The following USP3 variants were observed in gnomAD, a reference collection of about 807,000 sequenced individuals.
USP3 encodes ubiquitin specific peptidase 3.
USP3 carries 20 observed loss-of-function variants against 72.3 expected under a neutral mutation model. The observed-to-expected ratio is 0.28, with a 90% CI of 0.19 to 0.40. USP3 has a LOEUF of 0.40. Among genes scored for constraint, USP3 ranks in the 10% least tolerant of loss-of-function variants. The pLI is 1.00. For missense variants in USP3, 479 were observed against 633.9 expected (o/e 0.76, Z 2.62); for synonymous variants, 222 against 225.3 (o/e 0.99, Z 0.13).
At chr15:63,555,113 CTT>C (rs1205271822) in intron 4 of USP3, among the ~76,000 whole-genome samples, 1 of 152,164 alleles carries the variant, frequency 6.6e-6, no homozygotes, top group Non-Finnish European at 1.5e-5. Context: ...GTTAAAAAAT[CTT>C]TTCTTTCCAT....
Position 63,588,650 on chromosome 15 carries a change from C to A in USP3, c.1216-52C>A. Reference sequence around the variant, plus strand: ...AACTGATAGTAGTATCAAACTTTGACTGAAAGGTAAATTAGGTGTTCACAA... The same window carrying A: ...AACTGATAGTAGTATCAAACTTTGAATGAAAGGTAAATTAGGTGTTCACAA... On this transcript the variant is annotated intron_variant, in intron 12 of 14. Transcript: ENST00000380324. This position sits in a 1 kb window ranked among gnomAD's most constrained non-coding sequence, Gnocchi z 4.6. 1 of 1,384,368 alleles carries A rather than the reference C, an allele frequency of 7.2e-7. No homozygotes were observed. Among genetic ancestry groups the A allele is most frequent in the Non-Finnish European group, 1.0e-6 (1 of 983,974 alleles). 85.8% of individuals were successfully genotyped at this position (1,384,368 alleles called of 1,614,324 possible).
At chr15:63,513,404 G>C (rs1172910719) in intron 1 of USP3, among the ~76,000 whole-genome samples, 1 of 152,100 alleles carries the variant, frequency 6.6e-6, no homozygotes, top group Non-Finnish European at 1.5e-5. Context: ...TTTGGAAATG[G>C]AGTCTCACTC....
intron 11 of USP3, among the ~76,000 whole-genome samples, chr15:63,585,194 T>C (rs1164725794): frequency 6.6e-6 from 1 of 152,208 alleles, no homozygotes; most frequent in East Asian, 1.9e-4. Context: ...TTTTCAAAAT[T>C]GTTTTGGCTA....
At chr15:63,557,164 AGG>A (rs2066524991) in intron 5 of USP3, among the ~76,000 whole-genome samples, 2 of 152,292 alleles carry the variant, frequency 1.3e-5, no homozygotes, top group South Asian at 4.1e-4. Context: ...TCTGCCTCCC[AGG>A]CTGAAGTGAT....
At chr15:63,510,262 T>C (rs1321468900) in intron 1 of USP3, among the ~76,000 whole-genome samples, 1 of 152,184 alleles carries the variant, frequency 6.6e-6, no homozygotes, top group Non-Finnish European at 1.5e-5. Context: ...ATTCCTGTTT[T>C]AAAATTTGAG....
intron 8 of USP3, among the ~76,000 whole-genome samples, chr15:63,566,505 G>C (rs1355291535): frequency 6.6e-6 from 1 of 151,886 alleles, no homozygotes; most frequent in Non-Finnish European, 1.5e-5. Context: ...AATAGAGACG[G>C]GATTTCACTA....
At position 63,511,266 on chromosome 15, in the gene USP3, T is replaced by TAAAAAAAAA. The variant is rs61283920; in HGVS notation, c.91+6444_91+6452dup. ...TTCAGACTTTTAGCTTGCTTTTTCT[T>TAAAAAAAAA]AAAAAAAAAAAAAAAAGAGTCTTTA... On this transcript the variant is annotated intron_variant, in intron 1 of 14. Transcript: ENST00000380324. 5.2e-3 allele frequency among the ~76,000 whole-genome samples: 224 copies of TAAAAAAAAA among 42,852 alleles called. 16 individuals carry two copies. The highest frequency in any genetic ancestry group is 0.012 in the South Asian group (7 of 582). The allele number at this position is 42,852 out of a possible 152,430, so 28.1% of individuals were successfully genotyped here.
chr15:63,522,472 G>A (rs897553957), intron 1 of USP3, among the ~76,000 whole-genome samples: 6 of 152,302 alleles, frequency 3.9e-5, no homozygotes, highest in African/African-American at 1.2e-4. Flanking sequence ...TGGGAAAGTA[G>A]GCTAAAGCAC....
At chr15:63,556,832 C>G in intron 5 of USP3, 84 bp downstream of exon 5, 3 of 916,992 alleles carry the variant, frequency 3.3e-6, no homozygotes, top group South Asian at 3.5e-5. Flanking sequence ...GTAATGTTAC[C>G]TGTTACAGAC....
At chr15:63,556,521 T>C (rs2066511284) in intron 4 of USP3, 146 bp from the exon 5 acceptor site, 3 of 523,518 alleles carry the variant, frequency 5.7e-6, no homozygotes, top group Non-Finnish European at 1.0e-5. Context: ...TAACTTCAAA[T>C]ACGTGTGGGC....
intron 1 of USP3, among the ~76,000 whole-genome samples, chr15:63,505,481 G>T (rs1440888185): frequency 6.6e-6 from 1 of 152,258 alleles, no homozygotes; most frequent in Admixed American, 6.5e-5. Context: ...GGGCTGAGAA[G>T]CTCGGAGGCT....
intron 8 of USP3, among the ~76,000 whole-genome samples, chr15:63,568,813 G>C (rs1003883088): frequency 6.6e-6 from 1 of 152,170 alleles, no homozygotes; most frequent in African/African-American, 2.4e-5. Flanking sequence ...TTCACAAGTT[G>C]AAATAGACTC....
chr15:63,512,878 C>G (rs2065808731), intron 1 of USP3, among the ~76,000 whole-genome samples: 1 of 152,174 alleles, frequency 6.6e-6, no homozygotes, highest in Non-Finnish European at 1.5e-5. Flanking sequence ...ATTGAAAAAT[C>G]AAATTTGCAG....
At chr15:63,554,372 G>T (rs1191656713) in intron 4 of USP3, among the ~76,000 whole-genome samples, 1 of 152,190 alleles carries the variant, frequency 6.6e-6, no homozygotes, top group Non-Finnish European at 1.5e-5. Context: ...CTATTTATAT[G>T]TGAACAGACT....
chr15:63,512,350 T>TCCC (rs2065799150), intron 1 of USP3, among the ~76,000 whole-genome samples: 1 of 42,448 alleles, frequency 2.4e-5, no homozygotes, highest in African/African-American at 7.8e-5. Flanking sequence ...CTTCCTCCTC[T>TCCC]TCCTCTTCTT....
rs1476801072 is a variant in USP3 at position 63,593,674 on chromosome 15, A to G, written c.*2848A>G. 2.6e-5 allele frequency: 4 copies of G among 152,242 alleles called. No homozygotes were observed. Among genetic ancestry groups the G allele is most frequent in the Non-Finnish European group, 2.9e-5 (2 of 68,036 alleles). 9.4% of individuals were successfully genotyped at this position (152,242 alleles called of 1,614,324 possible). A position where few individuals can be genotyped will look rare whatever the true frequency, so the allele number is the denominator to read the frequency against. On this transcript the variant is annotated 3_prime_UTR_variant, in exon 15 of 15. Coordinates refer to ENST00000380324, the MANE Select transcript of USP3 (RefSeq NM_006537.4). ...TAGAAAAGTGATTGGATCCATCTCA[A>G]TTGTGCACTTGAACAGCAGTGATGT... is the stretch of plus-strand genomic sequence containing the variant.
intron 8 of USP3, among the ~76,000 whole-genome samples, chr15:63,566,092 C>T (rs2066685886): frequency 6.6e-6 from 1 of 152,138 alleles, no homozygotes; most frequent in South Asian, 2.1e-4. Context: ...TGATTCAAAT[C>T]AGGTCTTTCT....
intron 9 of USP3, among the ~76,000 whole-genome samples, chr15:63,572,392 T>G (rs1193068498): frequency 1.3e-5 from 2 of 151,852 alleles, no homozygotes; most frequent in Non-Finnish European, 2.9e-5. Flanking sequence ...TTTTTTTTTT[T>G]GCTATGTCCT....
At chr15:63,543,889 A>T (rs915446680) in intron 3 of USP3, among the ~76,000 whole-genome samples, 3 of 152,040 alleles carry the variant, frequency 2.0e-5, no homozygotes, top group Non-Finnish European at 4.4e-5. Context: ...ATTAATGTCA[A>T]ACCTTTACCT....
Sources: gnomAD v4.1 joint callset for allele counts (sites outside exome capture counted in the v4.1 genomes callset) on GRCh38, gnomAD v4.1.1 for gene constraint, Gnocchi (gnomAD v3.1) non-coding constraint, MANE v1.5 for transcripts, NCBI Gene and HGNC (gene_info 2026-07-23, HGNC 2026-07-21) for gene names.